The following EGFLAM variants were observed in gnomAD, a reference collection of about 807,000 sequenced individuals.
EGFLAM encodes EGF like, fibronectin type III and laminin G domains.
EGFLAM carries 79 observed loss-of-function variants against 113.1 expected under a neutral mutation model. The ratio of observed to expected loss-of-function variants is 0.70; its 90% CI spans 0.58 to 0.84. EGFLAM has a LOEUF of 0.84. EGFLAM is among the 40% of genes least tolerant of loss of function. The pLI is 0.00. For missense variants in EGFLAM, 1,265 were observed against 1,291.6 expected, an observed-to-expected ratio of 0.98 and a Z score of 0.32; for synonymous variants, 504 against 487.6, an observed-to-expected ratio of 1.03 and a Z score of -0.44.
chr5:38,361,166 T>A (rs1187090110), intron 5 of EGFLAM, among the ~76,000 whole-genome samples: 1 of 151,948 alleles, frequency 6.6e-6, no homozygotes, highest in Non-Finnish European at 1.5e-5. Flanking sequence ...GCACCCTCCC[T>A]GGCCACAAGT....
chr5:38,451,230 C>T, intron 18 of EGFLAM, 85 bp from the exon 19 acceptor site: 2 of 1,555,562 alleles, frequency 1.3e-6, no homozygotes, highest in Non-Finnish European at 1.7e-6. Flanking sequence ...CATCTGGTTC[C>T]TCAGGGCTGG....
intron 1 of EGFLAM, among the ~76,000 whole-genome samples, chr5:38,318,564 G>A (rs1022120538): frequency 5.9e-5 from 9 of 151,854 alleles, no homozygotes; most frequent in African/African-American, 2.2e-4. Flanking sequence ...CAGAGGCTGG[G>A]TACAGTGGCT....
chr5:38,317,493 T>C (rs916595824), intron 1 of EGFLAM, among the ~76,000 whole-genome samples: 1 of 152,152 alleles, frequency 6.6e-6, no homozygotes, highest in African/African-American at 2.4e-5. Flanking sequence ...ACTGTCTTTG[T>C]AAAATGCCAA....
intron 1 of EGFLAM, among the ~76,000 whole-genome samples, chr5:38,297,400 T>C (rs1478883013): frequency 6.6e-6 from 1 of 152,234 alleles, no homozygotes; most frequent in Non-Finnish European, 1.5e-5. Flanking sequence ...ATAAAGGCCA[T>C]TGTTTTCCGT....
chr5:38,356,076 A>C (rs1243661473), intron 5 of EGFLAM, among the ~76,000 whole-genome samples: 2 of 152,132 alleles, frequency 1.3e-5, no homozygotes, highest in African/African-American at 4.8e-5. Context: ...GTATATTTTA[A>C]AATTATATGC....
chr5:38,290,498 G>A (rs926198432), intron 1 of EGFLAM: 1 of 152,092 alleles, frequency 6.6e-6, no homozygotes, highest in East Asian at 1.9e-4. Context: ...TTTAAACCCA[G>A]TCTTGTTCCA....
At chr5:38,385,557 G>A (rs1051203104) in intron 6 of EGFLAM, among the ~76,000 whole-genome samples, 4 of 152,076 alleles carry the variant, frequency 2.6e-5, no homozygotes, top group Non-Finnish European at 5.9e-5. Context: ...TATTTTGGAT[G>A]TGGGTTAGTT....
At chr5:38,419,189 G>T (rs1473592859) in intron 12 of EGFLAM, among the ~76,000 whole-genome samples, 1 of 152,112 alleles carries the variant, frequency 6.6e-6, no homozygotes, top group African/African-American at 2.4e-5. Context: ...CCACTCTTAT[G>T]ACCTCAATTA....
At chr5:38,387,784 A>G (rs964807663) in intron 6 of EGFLAM, among the ~76,000 whole-genome samples, 5 of 152,232 alleles carry the variant, frequency 3.3e-5, no homozygotes, top group African/African-American at 7.2e-5. Context: ...CGTTTCTTGG[A>G]CACAGATTAA....
chr5:38,414,656 G>A lies in EGFLAM; in HGVS notation c.1494+2008G>A, dbSNP rs530817046. Among the ~76,000 whole-genome samples the A allele has an allele frequency of 4.6e-5, 7 of 152,252 alleles. No homozygotes were observed. In the South Asian group the frequency reaches 8.3e-4, roughly 18 times the overall value. The stretch of plus-strand genomic sequence containing the variant: ...GCTGCAGACAAATTGGAGCAGTTCC[G>A]GGGTAGTCACCCAAACTGGAAGATG... On this transcript the variant is annotated intron_variant, in intron 11 of 21. Transcript: ENST00000322350.
rs777154640 is a variant in EGFLAM, at chr5:38,427,011, T to C, written c.1813T>C (p.Phe605Leu). 9.9e-6 allele frequency: 16 copies of C among 1,613,656 alleles called. No individual in the cohort carries two copies. Among genetic ancestry groups the C allele is most frequent in the Non-Finnish European group, 1.4e-5 (16 of 1,179,932 alleles). Residue 605 changes from phenylalanine to leucine, a missense_variant and splice_region_variant, in exon 14 of 22, where the codon TTC (phenylalanine) becomes CTC (leucine). Physicochemically the swap from Phe to Leu is conservative, Grantham distance 22 (BLOSUM62 0). Transcript: ENST00000322350. ...TAACACCATGCTTGTTTTTTCAGCT[T>C]TCACCTTGACCATTCCTCAGTTCAG... ...GFKGRHCEDA[F>L]TLTIPQFRES...
intron 13 of EGFLAM, 47 bp downstream of exon 13, chr5:38,425,139 T>G (rs1741957035): frequency 6.3e-7 from 1 of 1,595,832 alleles, no homozygotes; most frequent in African/African-American, 1.4e-5. Flanking sequence ...CATGTTAATT[T>G]GTGTAGATGT....
In EGFLAM at chr5:38,463,000, C is replaced by T; in HGVS notation, c.2864C>T (p.Ala955Val). 6.2e-7 allele frequency: 1 copy of T among 1,613,934 alleles called. No individual in the cohort carries two copies. The highest frequency in any genetic ancestry group is 8.5e-7 in the Non-Finnish European group (1 of 1,179,858). Residue 955 changes from alanine (A) to valine (V), a missense_variant, in exon 21 of 22, where the codon GCT becomes GTT. Physicochemically the swap from Ala to Val is moderately conservative, Grantham distance 64. Coordinates refer to ENST00000322350, the MANE Select transcript of EGFLAM (RefSeq NM_152403.4). ...ATGCGGCAGCTTAACATCAATGGAG[C>T]TCTGTATGTGGGTAAGTGACCGACC... is the stretch of plus-strand genomic sequence containing the variant. ...GMMRQLNING[A>V]LYVGGMKEIA...
chr5:38,446,180 G>A lies in EGFLAM; in HGVS notation c.2465-2121G>A, dbSNP rs532317985. Among the ~76,000 whole-genome samples, 7 of 152,232 alleles carry A rather than the reference G, an allele frequency of 4.6e-5. 1 individual carries two copies. The South Asian group carries it at 1.5e-3, about 32-fold the overall frequency. On this transcript the variant is annotated intron_variant, in intron 17 of 21. Coordinates refer to ENST00000322350, the MANE Select transcript of EGFLAM (RefSeq NM_152403.4). ...CAGCCATGGTGTCCTGAAACGAGGG[G>A]CCGGCTGCCCCGGCTGAGAGCTTCC...
At chr5:38,460,853 A>AG (rs928425024) in intron 20 of EGFLAM, 1 of 152,256 alleles carries the variant, frequency 6.6e-6, no homozygotes, top group Non-Finnish European at 1.5e-5. Context: ...GAGATTGCCC[A>AG]GGGGGCCTTG....
At chr5:38,343,457 T>TG (rs905255231) in intron 3 of EGFLAM, among the ~76,000 whole-genome samples, 11 of 150,404 alleles carry the variant, frequency 7.3e-5, no homozygotes, top group African/African-American at 2.7e-4. Flanking sequence ...GGTTCTCAAC[T>TG]GGGGGTACCT....
chr5:38,278,312 T>C (rs909436728), intron 1 of EGFLAM, among the ~76,000 whole-genome samples: 1 of 151,950 alleles, frequency 6.6e-6, no homozygotes, highest in African/African-American at 2.4e-5. Flanking sequence ...ATTCAGTAAA[T>C]ATGCCAGGAA....
At chr5:38,297,305 C>T (rs6451381) in intron 1 of EGFLAM, among the ~76,000 whole-genome samples, 34,443 of 152,034 alleles carry the variant, frequency 0.23, 5,448 homozygotes, top group African/African-American at 0.44. Context: ...AAATAAAAAG[C>T]TTAAAAAATT....
chr5:38,327,611 T>A (rs1007853799), intron 1 of EGFLAM, among the ~76,000 whole-genome samples: 1 of 152,216 alleles, frequency 6.6e-6, no homozygotes, highest in African/African-American at 2.4e-5. Flanking sequence ...CCTCTTTTTT[T>A]AATAGATTTT....
Sources: gnomAD v4.1 joint callset for allele counts (sites outside exome capture counted in the v4.1 genomes callset) on GRCh38, gnomAD v4.1.1 for gene constraint, MANE v1.5 for transcripts, NCBI Gene and HGNC (gene_info 2026-07-23, HGNC 2026-07-21) for gene names.